The following TMEM74 variants were observed in gnomAD, a reference collection of about 807,000 sequenced individuals.
The protein encoded by TMEM74 is transmembrane protein 74.
A neutral mutation model predicts 18.1 loss-of-function variants in TMEM74; 13 were observed. The observed-to-expected ratio is 0.72, with a 90% CI of 0.47 to 1.14. The LOEUF (loss-of-function observed/expected upper bound fraction) is 1.14. Among genes scored for constraint, TMEM74 ranks in the 50% most tolerant of loss-of-function variants. TMEM74 has a pLI of 0.00. For synonymous variants in TMEM74, 159 were observed against 146.6 expected (o/e 1.08, Z -0.61); for missense variants, 372 against 375.9 (o/e 0.99, Z 0.09).
intron 1 of TMEM74, among the ~76,000 whole-genome samples, chr8:108,761,694 T>C (rs914475679): frequency 7.2e-5 from 11 of 152,196 alleles, no homozygotes; most frequent in Non-Finnish European, 1.6e-4. Context: ...GCAGCTTTAA[T>C]GCTCTTCTGG....
chr8:108,774,175 A>G (rs1270371694), downstream of TMEM74, among the ~76,000 whole-genome samples: 1 of 152,204 alleles, frequency 6.6e-6, no homozygotes, highest in Non-Finnish European at 1.5e-5. Context: ...AGCAGGTCAT[A>G]CCTTGTGGAA....
chr8:108,711,649 G>A (rs1813476568), intron 1 of TMEM74, among the ~76,000 whole-genome samples: 1 of 152,144 alleles, frequency 6.6e-6, no homozygotes, highest in Non-Finnish European at 1.5e-5. Context: ...GTTTGGCAAG[G>A]CCACTGGGGA....
Position 108,783,811 on chromosome 8 carries a change from T to A in TMEM74, c.*370A>T, listed in dbSNP as rs1419144948. 1 of 157,684 alleles carries A rather than the reference T, an allele frequency of 6.3e-6. No individual in the cohort carries two copies. The highest frequency in any genetic ancestry group is 1.9e-4 in the East Asian group (1 of 5,376). 9.8% of individuals were successfully genotyped at this position (157,684 alleles called of 1,614,324 possible). ...TCTTTTTCACAAAGTAGATTAGCAA[T>A]TGATCCTACTGTGTGTAGGACCACC... is the stretch of plus-strand genomic sequence containing the variant. On this transcript the variant is annotated 3_prime_UTR_variant, in exon 2 of 2. Coordinates refer to ENST00000297459, the MANE Select transcript of TMEM74 (RefSeq NM_153015.3).
intron 2 of TMEM74, among the ~76,000 whole-genome samples, chr8:108,631,676 A>C (rs989013116): frequency 6.6e-6 from 1 of 151,826 alleles, no homozygotes; most frequent in Admixed American, 6.6e-5. Context: ...TTGTCTGTTT[A>C]CTCTGTGAAT....
At chr8:108,613,450 G>A (rs1301526806) in intron 2 of TMEM74, among the ~76,000 whole-genome samples, 1 of 152,224 alleles carries the variant, frequency 6.6e-6, no homozygotes, top group Non-Finnish European at 1.5e-5. Flanking sequence ...TGGGAGAGAA[G>A]AATACAACAC....
chr8:108,615,927 C>G (rs1032755545), intron 2 of TMEM74, among the ~76,000 whole-genome samples: 2 of 146,798 alleles, frequency 1.4e-5, no homozygotes, highest in African/African-American at 5.1e-5. Flanking sequence ...GCTGGGACTA[C>G]AGGCACGTGC....
intron 1 of TMEM74, among the ~76,000 whole-genome samples, chr8:108,677,962 T>C (rs1283613881): frequency 6.6e-6 from 1 of 152,180 alleles, no homozygotes; most frequent in Admixed American, 6.6e-5. Context: ...TGTAGTGACA[T>C]CCCAATTTAC....
intron 1 of TMEM74, among the ~76,000 whole-genome samples, chr8:108,676,302 C>T (rs1192476372): frequency 6.6e-6 from 1 of 152,164 alleles, no homozygotes. Flanking sequence ...AGCCAAAAAT[C>T]CCTCCAATGG....
At chr8:108,663,618 C>T (rs1812921733) in intron 1 of TMEM74, among the ~76,000 whole-genome samples, 1 of 152,070 alleles carries the variant, frequency 6.6e-6, no homozygotes, top group Admixed American at 6.6e-5. Flanking sequence ...GGTATATATC[C>T]ACAGGAATAT....
At chr8:108,732,875 TA>T (rs542132271) in intron 1 of TMEM74, among the ~76,000 whole-genome samples, 32 of 151,442 alleles carry the variant, frequency 2.1e-4, no homozygotes, top group Middle Eastern at 3.4e-3. Context: ...TTTAATTGTC[TA>T]AAAAAAATGC....
intron 3 of TMEM74, among the ~76,000 whole-genome samples, chr8:108,608,344 T>A (rs1375980253): frequency 1.3e-5 from 2 of 150,856 alleles, no homozygotes; most frequent in African/African-American, 2.4e-5. Flanking sequence ...AACTAGACAG[T>A]CTGTCTTACA....
At chr8:108,630,414 G>C (rs1430810607) in intron 2 of TMEM74, among the ~76,000 whole-genome samples, 1 of 152,042 alleles carries the variant, frequency 6.6e-6, no homozygotes, top group East Asian at 1.9e-4. Flanking sequence ...ATATTAGACA[G>C]ATCGACGAGA....
intron 1 of TMEM74, among the ~76,000 whole-genome samples, chr8:108,676,902 G>A (rs960856763): frequency 4.9e-4 from 74 of 152,290 alleles, no homozygotes; most frequent in Middle Eastern, 3.4e-3. Context: ...CTGAATGAAA[G>A]AATCAATAAA....
intron 1 of TMEM74, among the ~76,000 whole-genome samples, chr8:108,687,928 C>A (rs1435885705): frequency 6.6e-6 from 1 of 152,002 alleles, no homozygotes; most frequent in East Asian, 1.9e-4. Context: ...GGTTAGGAAC[C>A]CCTACTCTAG....
chr8:108,619,808 C>T (rs952237130), intron 2 of TMEM74, among the ~76,000 whole-genome samples: 1 of 152,152 alleles, frequency 6.6e-6, no homozygotes, highest in African/African-American at 2.4e-5. Context: ...GTAAGATCTT[C>T]AGCTGAATCT....
intron 2 of TMEM74, among the ~76,000 whole-genome samples, chr8:108,615,731 G>A (rs1024702313): frequency 6.6e-6 from 1 of 151,842 alleles, no homozygotes; most frequent in Non-Finnish European, 1.5e-5. Flanking sequence ...ATGTCCCGTG[G>A]GGAGCTCTGG....
intron 1 of TMEM74, among the ~76,000 whole-genome samples, chr8:108,728,392 T>C (rs1813662277): frequency 1.3e-5 from 2 of 152,166 alleles, no homozygotes; most frequent in African/African-American, 4.8e-5. Flanking sequence ...GAATATTTCA[T>C]TTATGGTAAC....
intron 1 of TMEM74, among the ~76,000 whole-genome samples, chr8:108,672,519 G>A (rs1427105024): frequency 2.0e-5 from 3 of 152,174 alleles, no homozygotes. Context: ...GTGGGGACCA[G>A]CACAGCTGCT....
chr8:108,617,304 C>T (rs889678530), intron 2 of TMEM74, among the ~76,000 whole-genome samples: 5 of 152,068 alleles, frequency 3.3e-5, no homozygotes, highest in Admixed American at 1.3e-4. Flanking sequence ...AGTAGTACTA[C>T]GGCCTATGGG....
Sources: gnomAD v4.1 joint callset for allele counts (sites outside exome capture counted in the v4.1 genomes callset) on GRCh38, gnomAD v4.1.1 for gene constraint, MANE v1.5 for transcripts, NCBI Gene and HGNC (gene_info 2026-07-23, HGNC 2026-07-21) for gene names.